The following ACVR1 variants were observed in gnomAD, a reference collection of about 807,000 sequenced individuals.
ACVR1 encodes the protein activin A receptor type 1.
Under a neutral mutation model 57.1 loss-of-function variants are expected in ACVR1, and 38 were observed. The observed-to-expected ratio is 0.67, with a 90% confidence interval of 0.51 to 0.87. The LOEUF (loss-of-function observed/expected upper bound fraction) is 0.87, where lower values mean the gene tolerates loss of function less well. ACVR1 is among the 40% of genes least tolerant of loss of function. The pLI is 0.00. For missense variants in ACVR1, 463 were observed against 638.2 expected (o/e 0.73, Z 2.96); for synonymous variants, 212 against 228.1 (o/e 0.93, Z 0.63).
In ACVR1 at chr2:157,766,057, C is replaced by T. The variant is rs936401344; in HGVS notation, c.930G>A (p.Leu310=). ...LDTVSCLRIV[L]SIASGLAHLH... ...AATGTGCAAGACCACTAGCTATGGA[C>T]AGCACTATTCGAAGGCAGCTAACTG... is the stretch of plus-strand genomic sequence containing the variant. The change falls in exon 8 of 11, where the codon CTG becomes CTA. Residue 310 remains leucine, a synonymous_variant. Coordinates refer to ENST00000434821, the MANE Select transcript of ACVR1 (RefSeq NM_001111067.4). 1 of 1,614,108 alleles carries T rather than the reference C, an allele frequency of 6.2e-7. No individual in the cohort carries two copies. Among genetic ancestry groups the T allele is most frequent in the Middle Eastern group, 1.6e-4 (1 of 6,062 alleles).
intron 1 of ACVR1, among the ~76,000 whole-genome samples, chr2:157,836,907 G>A (rs1688803117): frequency 1.3e-5 from 2 of 152,198 alleles, no homozygotes; most frequent in African/African-American, 4.8e-5. Flanking sequence ...GATATCTACT[G>A]TAATTAGGTG....
At chr2:157,834,559 G>T (rs1226387035) in intron 1 of ACVR1, among the ~76,000 whole-genome samples, 1 of 152,116 alleles carries the variant, frequency 6.6e-6, no homozygotes, top group East Asian at 1.9e-4. Flanking sequence ...AGCAAGAATA[G>T]AGAGCTATAT....
At chr2:157,781,308 T>G (rs972157649) in intron 3 of ACVR1, among the ~76,000 whole-genome samples, 3 of 152,104 alleles carry the variant, frequency 2.0e-5, no homozygotes, top group African/African-American at 7.2e-5. Context: ...CTAAAAAAGG[T>G]TTGGATTCCA....
At chr2:157,747,982 G>C (rs1248369398) in intron 9 of ACVR1, among the ~76,000 whole-genome samples, 2 of 152,130 alleles carry the variant, frequency 1.3e-5, no homozygotes, top group Non-Finnish European at 2.9e-5. Context: ...TGATGCAAGG[G>C]AGAGATCAAT....
intron 1 of ACVR1, among the ~76,000 whole-genome samples, chr2:157,859,521 C>T (rs1023345387): frequency 1.3e-5 from 2 of 152,104 alleles, no homozygotes; most frequent in East Asian, 1.9e-4. Context: ...TTTTTTCTTG[C>T]GCGAGTCCAA....
intron 3 of ACVR1, among the ~76,000 whole-genome samples, chr2:157,795,720 A>C (rs1687086149): frequency 6.6e-6 from 1 of 152,026 alleles, no homozygotes; most frequent in Admixed American, 6.5e-5. Context: ...ATTTCAGCTT[A>C]AGAGCTGAAA....
intron 1 of ACVR1, among the ~76,000 whole-genome samples, chr2:157,834,857 C>T (rs950975067): frequency 2.2e-4 from 34 of 152,022 alleles, no homozygotes; most frequent in African/African-American, 7.7e-4. Flanking sequence ...GATTTAGTCC[C>T]CTTATAAGAG....
chr2:157,861,959 C>T (rs1451664463), intron 1 of ACVR1, among the ~76,000 whole-genome samples: 1 of 152,094 alleles, frequency 6.6e-6, no homozygotes, highest in Admixed American at 6.5e-5. Flanking sequence ...ACATTTTACT[C>T]AAGAGGATAA....
intron 1 of ACVR1, among the ~76,000 whole-genome samples, chr2:157,859,169 G>A (rs754596692): frequency 2.6e-5 from 4 of 152,090 alleles, no homozygotes; most frequent in East Asian, 1.9e-4. Context: ...CACAAGATGC[G>A]GGTCATAAAG....
chr2:157,850,478 A>T (rs1689257420), intron 1 of ACVR1, among the ~76,000 whole-genome samples: 1 of 152,156 alleles, frequency 6.6e-6, no homozygotes, highest in South Asian at 2.1e-4. Context: ...TTAAACACTT[A>T]GAAAGTAGTA....
chr2:157,852,976 G>A (rs1020349176), intron 1 of ACVR1, among the ~76,000 whole-genome samples: 2 of 152,130 alleles, frequency 1.3e-5, no homozygotes, highest in Non-Finnish European at 2.9e-5. Context: ...ATGTTCAAGG[G>A]AGAAAATTCT....
intron 1 of ACVR1, among the ~76,000 whole-genome samples, chr2:157,832,343 C>T (rs150364247): frequency 1.5e-3 from 223 of 152,184 alleles, no homozygotes; most frequent in African/African-American, 4.6e-3. Flanking sequence ...CCAAAGGACA[C>T]GTGAGGTATC....
chr2:157,752,788 TA>T (rs1433659595), intron 9 of ACVR1, among the ~76,000 whole-genome samples: 2 of 152,162 alleles, frequency 1.3e-5, no homozygotes, highest in African/African-American at 4.8e-5. Flanking sequence ...CAAGAACTGC[TA>T]AAAGGAGCTC....
chr2:157,813,663 G>A (rs1687833182), intron 2 of ACVR1, among the ~76,000 whole-genome samples: 1 of 152,226 alleles, frequency 6.6e-6, no homozygotes, highest in Non-Finnish European at 1.5e-5. Context: ...CAGGACAGAA[G>A]GAACTCAAGC....
chr2:157,766,620 T>C (rs573135962), intron 7 of ACVR1, among the ~76,000 whole-genome samples: 146 of 152,356 alleles, frequency 9.6e-4, no homozygotes, highest in Non-Finnish European at 1.6e-3. Context: ...TGTGATTTAC[T>C]TGTCTAATAC....
At chr2:157,835,981 T>G (rs567933263) in intron 1 of ACVR1, among the ~76,000 whole-genome samples, 1 of 152,350 alleles carries the variant, frequency 6.6e-6, no homozygotes, top group African/African-American at 2.4e-5. Flanking sequence ...GCCTTTCAAC[T>G]ACTATGAAAT....
chr2:157,857,550 C>T (rs1157187586), intron 1 of ACVR1, among the ~76,000 whole-genome samples: 5 of 152,112 alleles, frequency 3.3e-5, no homozygotes, highest in Non-Finnish European at 7.4e-5. Context: ...ACCTCAAAGG[C>T]TTTTTTCTCC....
chr2:157,805,616 T>C (rs56724191), intron 2 of ACVR1, among the ~76,000 whole-genome samples: 2,458 of 152,198 alleles, frequency 0.016, 75 homozygotes, highest in African/African-American at 0.056. Flanking sequence ...TCCTGCTTTT[T>C]CTTAGTCTTC....
chr2:157,787,193 G>C (rs948679731), intron 3 of ACVR1, among the ~76,000 whole-genome samples: 6 of 152,202 alleles, frequency 3.9e-5, no homozygotes, highest in Non-Finnish European at 5.9e-5. Context: ...AGAACACTGT[G>C]AGGTAATGAC....
Sources: allele counts gnomAD v4.1 joint callset (sites outside exome capture counted in the v4.1 genomes callset), GRCh38; gene constraint gnomAD v4.1.1; transcripts MANE v1.5; gene names NCBI Gene and HGNC (gene_info 2026-07-23, HGNC 2026-07-21).